ADAM12: variants seen among roughly 807,000 people sequenced by gnomAD.
The protein encoded by ADAM12 is ADAM metallopeptidase domain 12, also known as disintegrin and metalloproteinase domain-containing protein 12.
In ADAM12, 70 loss-of-function variants were observed where a neutral mutation model predicts 106.4. The ratio of observed to expected loss-of-function variants is 0.66; its 90% CI spans 0.54 to 0.80. The LOEUF (loss-of-function observed/expected upper bound fraction) is 0.80. ADAM12 is among the 30% of genes least tolerant of loss of function. The pLI is 0.00. For synonymous variants in ADAM12, 420 were observed against 433.5 expected (o/e 0.97, Z 0.39); for missense variants, 1,010 against 1,171.9 (o/e 0.86, Z 2.02).
At position 126,049,560 on chromosome 10, in the gene ADAM12, C is replaced by T; in HGVS notation, c.1718+1G>A. The T allele has an allele frequency of 3.7e-6, 6 of 1,614,166 alleles. No homozygotes were observed. Among genetic ancestry groups the T allele is most frequent in the Non-Finnish European group, 5.1e-6 (6 of 1,179,980 alleles). ...TTTGCCAGGATGTCTGGATTCCATA[C>T]CTCATCTCGCATTTGGCAAAGGAAC... On this transcript the variant is annotated splice_donor_variant, in intron 15 of 22. Coordinates refer to ENST00000448723, the MANE Select transcript of ADAM12 (RefSeq NM_001288973.2). LOFTEE classifies it high-confidence loss of function. The surrounding 1 kb of genome is among the most constrained non-coding windows in gnomAD (Gnocchi z 4.4).
Position 126,135,515 on chromosome 10 carries a change from C to G in ADAM12, c.416+69G>C, listed in dbSNP as rs755617662. On this transcript the variant is annotated intron_variant, in intron 5 of 22. Transcript: ENST00000448723. ...CTCACTCTCAGTGCTTTAGCACGAG[C>G]AGGAAAAGACAGAGGTTGCCTGCAG... 3.6e-5 allele frequency: 52 copies of G among 1,464,210 alleles called. No individual in the cohort carries two copies. The Middle Eastern group carries it at 5.3e-4, about 15-fold the overall frequency. The allele number at this position is 1,464,210 out of a possible 1,614,324, so 90.7% of individuals were successfully genotyped here. A position where few individuals can be genotyped will look rare whatever the true frequency, so the allele number is the denominator to read the frequency against.
intron 21 of ADAM12, among the ~76,000 whole-genome samples, chr10:126,022,092 A>G (rs1472080875): frequency 6.6e-6 from 1 of 152,214 alleles, no homozygotes; most frequent in East Asian, 1.9e-4. Context: ...GCAATGCTGG[A>G]GAAAAAGTGA....
intron 3 of ADAM12, among the ~76,000 whole-genome samples, chr10:126,218,182 G>A (rs1266570202): frequency 6.6e-6 from 1 of 151,688 alleles, no homozygotes; most frequent in Admixed American, 6.6e-5. Context: ...GTGTGTGTGT[G>A]GGGGGGCAGG....
chr10:126,294,122 C>T lies in ADAM12; in HGVS notation c.187-15134G>A, dbSNP rs144636904. Among the ~76,000 whole-genome samples the T allele has an allele frequency of 7.6e-3, 1,156 of 152,248 alleles. 8 individuals are homozygous for T. The highest frequency in any genetic ancestry group is 0.011 in the Non-Finnish European group (743 of 68,014). ...TAATGCCTCATAAAATGCGCTCATC[C>T]CTTCATCAGATGCTGACAGGGCAGA... On this transcript the variant is annotated intron_variant, in intron 2 of 22. Coordinates refer to ENST00000448723, the MANE Select transcript of ADAM12 (RefSeq NM_001288973.2).
At chr10:126,375,173 C>T (rs536686572) in intron 1 of ADAM12, among the ~76,000 whole-genome samples, 38 of 150,772 alleles carry the variant, frequency 2.5e-4, no homozygotes, top group Admixed American at 2.5e-3. Context: ...ATTTGCTACT[C>T]AGAGACCTTC....
intron 11 of ADAM12, among the ~76,000 whole-genome samples, chr10:126,078,519 C>G (rs958760797): frequency 7.9e-5 from 12 of 152,150 alleles, no homozygotes; most frequent in African/African-American, 2.9e-4. Context: ...ACTGTGCAGT[C>G]CAAGGCTGTG....
At chr10:126,174,975 C>T (rs192759586) in intron 3 of ADAM12, among the ~76,000 whole-genome samples, 49 of 152,266 alleles carry the variant, frequency 3.2e-4, no homozygotes, top group Non-Finnish European at 1.0e-4. Context: ...CCAGGATGGT[C>T]TCGATCTCCT....
intron 2 of ADAM12, among the ~76,000 whole-genome samples, chr10:126,317,150 G>A (rs530417367): frequency 3.2e-4 from 49 of 152,298 alleles, no homozygotes; most frequent in African/African-American, 1.1e-3. Flanking sequence ...TACCTGTGAT[G>A]TTTCTGCAAT....
chr10:126,251,384 T>G (rs1958743406), intron 3 of ADAM12, among the ~76,000 whole-genome samples: 1 of 150,258 alleles, frequency 6.7e-6, no homozygotes, highest in Admixed American at 6.9e-5. Flanking sequence ...TTAAAGAAGT[T>G]AAAGAACTTG....
intron 11 of ADAM12, among the ~76,000 whole-genome samples, chr10:126,075,687 A>G (rs1194980903): frequency 1.3e-5 from 2 of 152,240 alleles, no homozygotes; most frequent in Admixed American, 6.5e-5. Context: ...ACCTCGGGAA[A>G]GAGCTGGTAC....
chr10:126,098,547 G>T (rs374693880), intron 9 of ADAM12, 47 bp from the exon 10 acceptor site: 1 of 1,489,910 alleles, frequency 6.7e-7, no homozygotes, highest in East Asian at 2.3e-5. Flanking sequence ...TAGAACGGGG[G>T]CATTCTCTAA....
At position 126,175,007 on chromosome 10, in the gene ADAM12, C is replaced by T. The variant is rs969676202; in HGVS notation, c.261-19702G>A. 1.4e-4 allele frequency among the ~76,000 whole-genome samples: 22 copies of T among 152,248 alleles called. 1 individual carries two copies. The highest frequency in any genetic ancestry group is 3.9e-4 in the East Asian group (2 of 5,184). On this transcript the variant is annotated intron_variant, in intron 3 of 22. Transcript: ENST00000448723. ...TCCTGACCTCGTGATCCGTCCACCTCGGCCTCCCAAAGTGCTGGGATTACA... is the reference window on the plus strand; with the variant it reads ...TCCTGACCTCGTGATCCGTCCACCTTGGCCTCCCAAAGTGCTGGGATTACA...
intron 3 of ADAM12, among the ~76,000 whole-genome samples, chr10:126,210,656 C>T (rs111795491): frequency 2.0e-5 from 3 of 152,220 alleles, no homozygotes; most frequent in African/African-American, 4.8e-5. Context: ...GACTGGGCCA[C>T]GAGGAAGGTC....
intron 2 of ADAM12, among the ~76,000 whole-genome samples, chr10:126,301,968 G>A (rs538913971): frequency 1.3e-5 from 2 of 152,180 alleles, no homozygotes; most frequent in South Asian, 2.1e-4. Flanking sequence ...TATCATGACC[G>A]TGGGACAGCT....
intron 1 of ADAM12, among the ~76,000 whole-genome samples, chr10:126,364,108 A>G (rs1855830662): frequency 6.6e-6 from 1 of 152,118 alleles, no homozygotes; most frequent in Non-Finnish European, 1.5e-5. Flanking sequence ...GTACATGTCT[A>G]AAAAAAGTTA....
chr10:126,194,278 CAAAAAAAAAAAA>C (rs35778124), intron 3 of ADAM12, among the ~76,000 whole-genome samples: 1 of 58,074 alleles, frequency 1.7e-5, no homozygotes, highest in African/African-American at 5.5e-5. Context: ...TTCATATGCT[CAAAAAAAAAAAA>C]AAAAAAAAAA....
At chr10:126,262,319 C>A (rs1358348546) in intron 3 of ADAM12, among the ~76,000 whole-genome samples, 1 of 151,954 alleles carries the variant, frequency 6.6e-6, no homozygotes, top group East Asian at 1.9e-4. Flanking sequence ...GAATTCCATG[C>A]CAATGATTAT....
chr10:126,066,613 G>T lies in ADAM12; in HGVS notation c.1413+104C>A. 9.4e-7 allele frequency: 1 copy of T among 1,064,864 alleles called. No individual in the cohort carries two copies. The allele number at this position is 1,064,864 out of a possible 1,614,324, so 66.0% of individuals were successfully genotyped here. The stretch of plus-strand genomic sequence containing the variant: ...AAGGAGGGATGGTGCGTGCTGTGGT[G>T]AGTGCTGGGAAACCTTCCAGCCACA... On this transcript the variant is annotated intron_variant, in intron 13 of 22. Transcript: ENST00000448723. The surrounding 1 kb of genome is among the most constrained non-coding windows in gnomAD (Gnocchi z 5.1).
Position 126,071,711 on chromosome 10 carries a change from C to A in ADAM12, c.1146-57G>T. 2.5e-6 allele frequency: 4 copies of A among 1,586,898 alleles called. 1 individual carries two copies. The South Asian group carries it at 4.5e-5, about 18-fold the overall frequency. On this transcript the variant is annotated intron_variant, in intron 11 of 22. Coordinates refer to ENST00000448723, the MANE Select transcript of ADAM12 (RefSeq NM_001288973.2). ...CAGGGCATGGAATGGCTTTGTCTGC[C>A]CTTCTTGTGCCCACAAGAAGGCACC...
Sources: gnomAD v4.1 joint callset for allele counts (sites outside exome capture counted in the v4.1 genomes callset) on GRCh38, gnomAD v4.1.1 for gene constraint, Gnocchi (gnomAD v3.1) non-coding constraint, MANE v1.5 for transcripts, NCBI Gene and HGNC (gene_info 2026-07-23, HGNC 2026-07-21) for gene names.